Variants in PI4KA observed in about 807,000 individuals in gnomAD.
The protein encoded by PI4KA is phosphatidylinositol 4-kinase alpha.
In PI4KA, 122 loss-of-function variants were observed where a neutral mutation model predicts 271.4. That is an observed-to-expected ratio of 0.45 (90% confidence interval 0.39 to 0.52). The LOEUF is 0.52. PI4KA is among the 20% of genes least tolerant of loss of function. The probability of loss-of-function intolerance (pLI) is 0.00; values close to 1 mark genes in which losing one functional copy is unlikely to be tolerated. For synonymous variants in PI4KA, 1,041 were observed against 1,078.8 expected (o/e 0.96, Z 0.69); for missense variants, 1,969 against 2,769.1 (o/e 0.71, Z 6.48).
intron 19 of PI4KA, among the ~76,000 whole-genome samples, chr22:20,772,928 A>G (rs1932951152): frequency 6.6e-6 from 1 of 152,136 alleles, no homozygotes; most frequent in Non-Finnish European, 1.5e-5. Context: ...TGTCTCTACA[A>G]AAAAGTCAAA....
chr22:20,838,120 C>CAA (rs1445243279), intron 2 of PI4KA, among the ~76,000 whole-genome samples: 2 of 83,476 alleles, frequency 2.4e-5, no homozygotes, highest in Admixed American at 1.3e-4. Flanking sequence ...GACTCCATCT[C>CAA]AAAAAAAAAA....
In PI4KA at chr22:20,799,103, A is replaced by G. The variant is rs1434121288; in HGVS notation, c.1994T>C (p.Ile665Thr). ...LIIDQLGCLV[I>T]TGNQYIYQEV... ...TCTGGCCTCCCTTACATTTCCGGTGATAACCAGGCAGCCCAGCTGGTCAAT... is the reference window on the plus strand; with the variant it reads ...TCTGGCCTCCCTTACATTTCCGGTGGTAACCAGGCAGCCCAGCTGGTCAAT... Residue 665 changes from isoleucine to threonine, a missense_variant, in exon 16 of 55, where the codon ATC becomes ACC. Transcript: ENST00000255882. 1 of 1,613,354 alleles carries G rather than the reference A, an allele frequency of 6.2e-7. No individual in the cohort carries two copies. Among genetic ancestry groups the G allele is most frequent in the Non-Finnish European group, 8.5e-7 (1 of 1,179,820 alleles).
intron 32 of PI4KA, among the ~76,000 whole-genome samples, chr22:20,737,181 G>T (rs1928833637): frequency 1.3e-5 from 2 of 152,178 alleles, no homozygotes; most frequent in African/African-American, 4.8e-5. Flanking sequence ...GGAGCCCTGG[G>T]GCATGCCAGT....
chr22:20,820,947 G>A (rs1023172553), intron 4 of PI4KA, among the ~76,000 whole-genome samples: 2 of 152,154 alleles, frequency 1.3e-5, no homozygotes, highest in African/African-American at 2.4e-5. Context: ...ATGGGTAAAC[G>A]CCCTAGCGCT....
At chr22:20,732,254 C>A (rs562023319) in intron 36 of PI4KA, among the ~76,000 whole-genome samples, 1 of 152,220 alleles carries the variant, frequency 6.6e-6, no homozygotes, top group South Asian at 2.1e-4. Flanking sequence ...GTGGTGAGCA[C>A]CTGTAGTTCC....
In PI4KA at chr22:20,787,180, GA is replaced by G. The variant is rs1934315201; in HGVS notation, c.2328+6012del. The G allele has an allele frequency of 1.0e-5, 10 of 966,820 alleles. No homozygotes were observed. In the South Asian group the frequency reaches 1.3e-4, roughly 13 times the overall value. 59.9% of individuals were successfully genotyped at this position (966,820 alleles called of 1,614,324 possible). On this transcript the variant is annotated intron_variant, in intron 19 of 54. Coordinates refer to ENST00000255882, the MANE Select transcript of PI4KA (RefSeq NM_058004.4). ...TTTACGTAGTTTACGCTACCAATCT[GA>G]ATTCGAGGCCCATATGAGAGGAGCT...
At position 20,742,767 on chromosome 22, in the gene PI4KA, G is replaced by C. The variant is rs760051353; in HGVS notation, c.3457-3C>G. The C allele has an allele frequency of 1.9e-6, 3 of 1,613,670 alleles. No homozygotes were observed. The highest frequency in any genetic ancestry group is 2.5e-6 in the Non-Finnish European group (3 of 1,179,690). On this transcript the variant is annotated splice_polypyrimidine_tract_variant and splice_region_variant and intron_variant, in intron 30 of 54. Coordinates refer to ENST00000255882, the MANE Select transcript of PI4KA (RefSeq NM_058004.4). ...GAGAACCGAATCATTCCATACACCT[G>C]CAAAAACATTCTCATCAGCAACTAA...
At chr22:20,817,541 C>T (rs1004269069) in intron 7 of PI4KA, among the ~76,000 whole-genome samples, 1 of 151,398 alleles carries the variant, frequency 6.6e-6, no homozygotes, top group Non-Finnish European at 1.5e-5. Flanking sequence ...TCCGGACCAG[C>T]CTGGGCAACA....
At chr22:20,808,987 G>A (rs1320073799) in intron 9 of PI4KA, among the ~76,000 whole-genome samples, 4 of 152,200 alleles carry the variant, frequency 2.6e-5, no homozygotes, top group Non-Finnish European at 5.9e-5. Flanking sequence ...AAAGAATCAT[G>A]TGGAGAGTGT....
chr22:20,742,332 G>T lies in PI4KA; in HGVS notation c.3637C>A (p.His1213Asn). ...ATCCGGAGGGGACCCCAGCACAGAT[G>T]ATGAAGGAGCTGCGGGTCACAATCT... is the stretch of plus-strand genomic sequence containing the variant. ...SKDCDPQLLH[H>N]LCWGPLRMFN... Residue 1213 changes from histidine (H) to asparagine (N), a missense_variant, in exon 32 of 55, where the codon CAT becomes AAT. Physicochemically the swap from His to Asn is moderately conservative, Grantham distance 68. Coordinates refer to ENST00000255882, the MANE Select transcript of PI4KA (RefSeq NM_058004.4). 1 of 1,614,198 alleles carries T rather than the reference G, an allele frequency of 6.2e-7. No homozygotes were observed. The highest frequency in any genetic ancestry group is 1.1e-5 in the South Asian group (1 of 91,080).
chr22:20,785,589 A>G (rs1248301173), intron 19 of PI4KA, among the ~76,000 whole-genome samples: 3 of 152,228 alleles, frequency 2.0e-5, no homozygotes, highest in Non-Finnish European at 2.9e-5. Flanking sequence ...AGCATTGTCT[A>G]GTATATACAG....
intron 25 of PI4KA, 87 bp downstream of exon 25, chr22:20,752,816 A>G: frequency 7.1e-7 from 1 of 1,400,742 alleles, no homozygotes; most frequent in South Asian, 1.2e-5. Flanking sequence ...TCCTAGATTA[A>G]TAATATAAGG....
At chr22:20,731,180 A>T (rs1928001280) in intron 36 of PI4KA, among the ~76,000 whole-genome samples, 1 of 152,006 alleles carries the variant, frequency 6.6e-6, no homozygotes, top group Admixed American at 6.6e-5. Flanking sequence ...CTGCATTTCT[A>T]AAAAAAAGTA....
chr22:20,831,144 T>G (rs958186504), intron 3 of PI4KA, among the ~76,000 whole-genome samples: 1 of 152,200 alleles, frequency 6.6e-6, no homozygotes, highest in Non-Finnish European at 1.5e-5. Context: ...CAAGACCCTG[T>G]AAGGCAGGTG....
intron 7 of PI4KA, among the ~76,000 whole-genome samples, chr22:20,814,609 A>G (rs1921518007): frequency 6.6e-6 from 1 of 151,904 alleles, no homozygotes; most frequent in Admixed American, 6.6e-5. Context: ...TTAGCCGGAT[A>G]CAGCACCATG....
intron 2 of PI4KA, among the ~76,000 whole-genome samples, chr22:20,835,528 T>C (rs547929786): frequency 4.0e-5 from 6 of 151,588 alleles, no homozygotes; most frequent in African/African-American, 1.5e-4. Context: ...GCTCAGGAAT[T>C]TGAGACCCAG....
chr22:20,796,133 T>TC lies in PI4KA; in HGVS notation c.2277+12dup. On this transcript the variant is annotated intron_variant, in intron 18 of 54. Coordinates refer to ENST00000255882, the MANE Select transcript of PI4KA (RefSeq NM_058004.4). ...GACACTGATGGGGAAGGCATAGCCA[T>TC]CCTCCTTCCTACCTTTAGGGCAGGG... 6.2e-7 allele frequency: 1 copy of TC among 1,605,576 alleles called. No homozygotes were observed. Among genetic ancestry groups the TC allele is most frequent in the Non-Finnish European group, 8.5e-7 (1 of 1,172,908 alleles).
Position 20,755,191 on chromosome 22 carries a change from T to C in PI4KA, c.2792-2011A>G, listed in dbSNP as rs143018221. 6.3e-3 allele frequency among the ~76,000 whole-genome samples: 958 copies of C among 152,304 alleles called. 9 individuals carry two copies. The highest frequency in any genetic ancestry group is 0.021 in the African/African-American group (878 of 41,562). ...AGTCTAATCATTACAGAACCGTGGA[T>C]GTTTATTCGTTGGGTTATAATCCAA... is the stretch of plus-strand genomic sequence containing the variant. On this transcript the variant is annotated intron_variant, in intron 23 of 54. Transcript: ENST00000255882.
At chr22:20,709,618 T>C in intron 53 of PI4KA, 2 of 560,138 alleles carry the variant, frequency 3.6e-6, no homozygotes, top group Non-Finnish European at 3.2e-6. Flanking sequence ...GACTAAGCAT[T>C]GGGGAGCTAA....
Sources: allele counts gnomAD v4.1 joint callset (sites outside exome capture counted in the v4.1 genomes callset), GRCh38; gene constraint gnomAD v4.1.1; transcripts MANE v1.5; gene names NCBI Gene and HGNC (gene_info 2026-07-23, HGNC 2026-07-21).